The following GALNT13 variants were observed in gnomAD, a reference collection of about 807,000 sequenced individuals.
The protein encoded by GALNT13 is UDP-GalNAc:polypeptide N-acetylgalactosaminyltransferase 13.
Under a neutral mutation model 64.2 loss-of-function variants are expected in GALNT13, and 28 were observed. The observed-to-expected ratio is 0.44, with a 90% CI of 0.32 to 0.60. The LOEUF (loss-of-function observed/expected upper bound fraction) is 0.60, where lower values mean the gene tolerates loss of function less well. GALNT13 is among the 20% of genes least tolerant of loss of function. GALNT13 has a pLI of 0.05. For synonymous variants in GALNT13, 214 were observed against 224.6 expected, an observed-to-expected ratio of 0.95 and a Z score of 0.42; for missense variants, 577 against 669.8, an observed-to-expected ratio of 0.86 and a Z score of 1.53.
chr2:153,974,801 T>C (rs1229250774), intron 3 of GALNT13, among the ~76,000 whole-genome samples: 1 of 152,018 alleles, frequency 6.6e-6, no homozygotes, highest in African/African-American at 2.4e-5. Context: ...CTTCCTATTA[T>C]TTGTTCTGTC....
chr2:153,397,211 T>C, the GALNT13 span, among the ~76,000 whole-genome samples: 1 of 152,196 alleles, frequency 6.6e-6, no homozygotes, highest in African/African-American at 2.4e-5. Flanking sequence ...AGTAAAAGGA[T>C]GTTTCTTATT....
chr2:153,232,399 T>G, the GALNT13 span, among the ~76,000 whole-genome samples: 1 of 152,354 alleles, frequency 6.6e-6, no homozygotes, highest in South Asian at 2.1e-4. Flanking sequence ...GTGTTTCATT[T>G]CTATTATTTC....
At chr2:153,943,180 A>G (rs894899549) in intron 2 of GALNT13, among the ~76,000 whole-genome samples, 3 of 152,204 alleles carry the variant, frequency 2.0e-5, no homozygotes, top group African/African-American at 4.8e-5. Flanking sequence ...AAATAAAACA[A>G]ATAAGTGTAA....
At chr2:153,869,263 G>C (rs529748990), upstream of GALNT13, among the ~76,000 whole-genome samples, 3 of 152,202 alleles carry the variant, frequency 2.0e-5, no homozygotes, top group African/African-American at 7.2e-5. Flanking sequence ...AAGTCATACA[G>C]TTTAGATATT....
intron 7 of GALNT13, among the ~76,000 whole-genome samples, chr2:154,254,126 C>T (rs1690239285): frequency 6.6e-6 from 1 of 151,970 alleles, no homozygotes. Flanking sequence ...CAAATTTGAA[C>T]ATATAAGGGG....
chr2:153,954,718 A>G (rs1018451140), intron 3 of GALNT13, among the ~76,000 whole-genome samples: 9 of 151,890 alleles, frequency 5.9e-5, no homozygotes, highest in Non-Finnish European at 1.3e-4. Context: ...AAAAGGAGGT[A>G]CTATTATTAT....
the GALNT13 span, among the ~76,000 whole-genome samples, chr2:153,819,207 G>C: frequency 6.6e-6 from 1 of 152,102 alleles, no homozygotes; most frequent in Non-Finnish European, 1.5e-5. Context: ...TGCTATATTT[G>C]AGAACAGATA....
chr2:153,502,788 G>T, the GALNT13 span, among the ~76,000 whole-genome samples: 1 of 152,202 alleles, frequency 6.6e-6, no homozygotes, highest in African/African-American at 2.4e-5. Context: ...TCTTGCAGGA[G>T]TAAGGTTGGT....
the GALNT13 span, among the ~76,000 whole-genome samples, chr2:153,538,326 C>CTTTTTTTTTTTTTTTTTTTTTTTTTTTAT: frequency 9.9e-6 from 1 of 100,844 alleles, no homozygotes; most frequent in Non-Finnish European, 2.2e-5. Flanking sequence ...TTTTTTAATT[C>CTTTTTTTTTTTTTTTTTTTTTTTTTTTAT]TTTTTTTTTT....
At chr2:153,419,937 T>A in the GALNT13 span, among the ~76,000 whole-genome samples, 127 of 152,292 alleles carry the variant, frequency 8.3e-4, no homozygotes, top group Middle Eastern at 3.4e-3. Context: ...AGTCCATCTA[T>A]ATATAGTTTA....
intron 2 of GALNT13, among the ~76,000 whole-genome samples, chr2:153,932,109 T>A (rs1164130582): frequency 1.3e-5 from 2 of 152,076 alleles, no homozygotes; most frequent in Non-Finnish European, 2.9e-5. Flanking sequence ...TAGTCTGAGG[T>A]TTTTTGTATT....
the GALNT13 span, among the ~76,000 whole-genome samples, chr2:153,190,439 A>G: frequency 4.2e-4 from 64 of 152,136 alleles, no homozygotes; most frequent in Admixed American, 7.9e-4. Context: ...TGATTTGTCT[A>G]TGTGTCTGTT....
the GALNT13 span, among the ~76,000 whole-genome samples, chr2:153,447,388 T>C: frequency 6.6e-6 from 1 of 152,178 alleles, no homozygotes; most frequent in Non-Finnish European, 1.5e-5. Flanking sequence ...AGGTGTCAGA[T>C]AGGAGCACTG....
intron 9 of GALNT13, among the ~76,000 whole-genome samples, chr2:154,383,106 G>T (rs1252518877): frequency 6.6e-6 from 1 of 151,820 alleles, no homozygotes; most frequent in African/African-American, 2.4e-5. Context: ...CAGAGTAAGT[G>T]GTTGATTTCC....
the GALNT13 span, among the ~76,000 whole-genome samples, chr2:153,072,093 T>C: frequency 6.6e-6 from 1 of 152,220 alleles, no homozygotes; most frequent in Non-Finnish European, 1.5e-5. Context: ...TAATAAAATA[T>C]TTCAGTTCTT....
chr2:153,307,995 T>C, the GALNT13 span, among the ~76,000 whole-genome samples: 1 of 152,138 alleles, frequency 6.6e-6, no homozygotes, highest in Non-Finnish European at 1.5e-5. Flanking sequence ...ACACTAGATA[T>C]ATTAGTGTTT....
At chr2:153,923,012 G>T in intron 2 of GALNT13, among the ~76,000 whole-genome samples, 1 of 152,002 alleles carries the variant, frequency 6.6e-6, no homozygotes, top group East Asian at 1.9e-4. Context: ...CAATTCTCCT[G>T]CCTCAGCCTC....
At chr2:153,918,229 C>T (rs1371169112) in intron 2 of GALNT13, among the ~76,000 whole-genome samples, 1 of 152,078 alleles carries the variant, frequency 6.6e-6, no homozygotes, top group Non-Finnish European at 1.5e-5. Context: ...GTAAAAATAT[C>T]TTTCTACCAC....
chr2:153,118,225 C>T, the GALNT13 span, among the ~76,000 whole-genome samples: 7 of 152,088 alleles, frequency 4.6e-5, no homozygotes, highest in African/African-American at 1.7e-4. Context: ...AAGGCATTTT[C>T]TCCCTAGTTG....
Sources: allele counts gnomAD v4.1 joint callset (sites outside exome capture counted in the v4.1 genomes callset), GRCh38; gene constraint gnomAD v4.1.1; transcripts MANE v1.5; gene names NCBI Gene and HGNC (gene_info 2026-07-23, HGNC 2026-07-21).